SLC25A13: variants seen among roughly 807,000 people sequenced by gnomAD.
SLC25A13 encodes electrogenic aspartate/glutamate antiporter SLC25A13, mitochondrial.
Under a neutral mutation model 85.5 loss-of-function variants are expected in SLC25A13, and 70 were observed. That is an observed-to-expected ratio of 0.82 (90% confidence interval 0.68 to 1.00). The LOEUF is 1.00. Among genes scored for constraint, SLC25A13 ranks in the 50% least tolerant of loss-of-function variants. SLC25A13 has a pLI of 0.00. For missense variants in SLC25A13, 765 were observed against 819.8 expected, an observed-to-expected ratio of 0.93 and a Z score of 0.82; for synonymous variants, 259 against 288.7, an observed-to-expected ratio of 0.90 and a Z score of 1.04.
At chr7:96,244,371 C>T (rs1056437060) in intron 3 of SLC25A13, among the ~76,000 whole-genome samples, 8 of 152,132 alleles carry the variant, frequency 5.3e-5, no homozygotes, top group African/African-American at 1.2e-4. Context: ...AGCACACAAA[C>T]GAAGACTCAC....
In SLC25A13 at chr7:96,283,990, G is replaced by A. The variant is rs114006074; in HGVS notation, c.70-6652C>T. Among the ~76,000 whole-genome samples the A allele has an allele frequency of 9.6e-3, 1,465 of 152,014 alleles. 26 individuals carry two copies. Among genetic ancestry groups the A allele is most frequent in the African/African-American group, 0.034 (1,406 of 41,450 alleles). On this transcript the variant is annotated intron_variant, in intron 2 of 17. Coordinates refer to ENST00000265631, the MANE Select transcript of SLC25A13 (RefSeq NM_014251.3). ...CAAAAGATGTGAGGTAACTTACTGC[G>A]CAAGAAATTACTCAACTGGTTAGAA...
chr7:96,224,636 C>A (rs1796263302), intron 4 of SLC25A13, among the ~76,000 whole-genome samples: 1 of 152,198 alleles, frequency 6.6e-6, no homozygotes, highest in South Asian at 2.1e-4. Context: ...TAGCTGGAAC[C>A]AAGGCAACTT....
intron 3 of SLC25A13, among the ~76,000 whole-genome samples, chr7:96,257,479 T>C (rs1797684077): frequency 6.6e-6 from 1 of 152,228 alleles, no homozygotes; most frequent in African/African-American, 2.4e-5. Context: ...AATGGATAAA[T>C]TCCTGGACAC....
rs751105436 is a variant in SLC25A13, at chr7:96,184,917, C to T, written c.1018+10G>A. On this transcript the variant is annotated intron_variant, in intron 10 of 17. Transcript: ENST00000265631. Reference sequence around the variant, plus strand: ...CAAAAGTGAAAATTTTTCTCTCATCCATGACTAACCTCCAGCAACAGAACC... The same window carrying T: ...CAAAAGTGAAAATTTTTCTCTCATCTATGACTAACCTCCAGCAACAGAACC... The T allele has an allele frequency of 2.5e-6, 4 of 1,611,852 alleles. No individual in the cohort carries two copies. Among genetic ancestry groups the T allele is most frequent in the South Asian group, 1.1e-5 (1 of 91,034 alleles).
At chr7:96,162,799 G>A (rs1017380600) in intron 13 of SLC25A13, among the ~76,000 whole-genome samples, 2 of 152,192 alleles carry the variant, frequency 1.3e-5, no homozygotes, top group Admixed American at 6.5e-5. Context: ...CAAAGGCCAA[G>A]TAGAGAAAAT....
chr7:96,216,771 G>C (rs1220616915), intron 4 of SLC25A13, among the ~76,000 whole-genome samples: 1 of 152,042 alleles, frequency 6.6e-6, no homozygotes, highest in Non-Finnish European at 1.5e-5. Flanking sequence ...AGGAGGGAGA[G>C]GATCAGGAAA....
At chr7:96,221,433 T>C (rs1306859371) in intron 4 of SLC25A13, among the ~76,000 whole-genome samples, 1 of 152,214 alleles carries the variant, frequency 6.6e-6, no homozygotes, top group African/African-American at 2.4e-5. Flanking sequence ...AAATGACACA[T>C]TATTTTTGTG....
chr7:96,192,616 G>C (rs1584435210), intron 6 of SLC25A13, among the ~76,000 whole-genome samples: 1 of 151,862 alleles, frequency 6.6e-6, no homozygotes, highest in East Asian at 1.9e-4. Flanking sequence ...CATACACGGT[G>C]AAAGGGAATC....
intron 1 of SLC25A13, among the ~76,000 whole-genome samples, chr7:96,313,006 G>T (rs1800002231): frequency 6.6e-6 from 1 of 152,214 alleles, no homozygotes; most frequent in South Asian, 2.1e-4. Flanking sequence ...ACTTTATCAG[G>T]AAAGTGAAGC....
intron 3 of SLC25A13, among the ~76,000 whole-genome samples, chr7:96,252,891 T>G (rs1289508024): frequency 6.6e-6 from 1 of 152,006 alleles, no homozygotes; most frequent in African/African-American, 2.4e-5. Context: ...GCTAGGAGTT[T>G]GAGACCAGCC....
chr7:96,286,507 C>A (rs1215681548), intron 2 of SLC25A13, among the ~76,000 whole-genome samples: 1 of 152,106 alleles, frequency 6.6e-6, no homozygotes, highest in Non-Finnish European at 1.5e-5. Context: ...TCTACCTACT[C>A]ATCTTCGAGC....
intron 3 of SLC25A13, among the ~76,000 whole-genome samples, chr7:96,239,065 A>ATATATATATATATATATATG (rs1392985826): frequency 3.0e-4 from 40 of 131,990 alleles, no homozygotes; most frequent in African/African-American, 9.9e-4. Flanking sequence ...ATATATATAT[A>ATATATATATATATATATATG]TATGTATGTA....
chr7:96,149,170 G>C (rs1299511379), intron 13 of SLC25A13, among the ~76,000 whole-genome samples: 3 of 152,190 alleles, frequency 2.0e-5, no homozygotes, highest in Admixed American at 2.0e-4. Context: ...ACCATCTCTA[G>C]AATCTCTGTC....
Position 96,321,951 on chromosome 7 carries a change from C to A in SLC25A13, c.6G>T (p.Ala2=), listed in dbSNP as rs774562949. Residue 2 remains alanine, a synonymous_variant, in exon 1 of 18, where the codon GCG becomes GCT. Transcript: ENST00000265631. The part of the protein sequence containing the change: M[A]AAKVALTKRA... ...TCGGGCCCGCGGTTACCTTGGCGGC[C>A]GCCATGATTCGCCCCGGTTGCGGGC... 9.5e-5 allele frequency: 146 copies of A among 1,540,174 alleles called. No homozygotes were observed. Among genetic ancestry groups the A allele is most frequent in the Non-Finnish European group, 1.2e-4 (141 of 1,145,416 alleles).
chr7:96,168,218 T>C (rs999549361), intron 13 of SLC25A13, among the ~76,000 whole-genome samples: 6 of 149,008 alleles, frequency 4.0e-5, no homozygotes, highest in Non-Finnish European at 8.9e-5. Context: ...GGTTGTCTGC[T>C]ACCTACAGGA....
intron 2 of SLC25A13, among the ~76,000 whole-genome samples, chr7:96,295,650 A>T (rs990905313): frequency 7.9e-5 from 12 of 152,152 alleles, no homozygotes; most frequent in African/African-American, 2.9e-4. Flanking sequence ...GTCCATGTTC[A>T]AAGTCCTTGA....
At chr7:96,187,920 G>A (rs1257119577) in intron 9 of SLC25A13, among the ~76,000 whole-genome samples, 3 of 152,272 alleles carry the variant, frequency 2.0e-5, no homozygotes, top group East Asian at 3.9e-4. Flanking sequence ...ACCTCTAAGC[G>A]GCAGCGAATC....
chr7:96,171,609 T>G, intron 11 of SLC25A13, 85 bp from the exon 12 acceptor site: 1 of 1,163,136 alleles, frequency 8.6e-7, no homozygotes, highest in Non-Finnish European at 1.3e-6. Context: ...GGATTACCAC[T>G]TAAAAACTGC....
chr7:96,294,838 A>C (rs957068240), intron 2 of SLC25A13, among the ~76,000 whole-genome samples: 1 of 152,146 alleles, frequency 6.6e-6, no homozygotes, highest in African/African-American at 2.4e-5. Context: ...CTGATTTTTT[A>C]TGTATAATCT....
Sources: allele counts gnomAD v4.1 joint callset (sites outside exome capture counted in the v4.1 genomes callset), GRCh38; gene constraint gnomAD v4.1.1; transcripts MANE v1.5; gene names NCBI Gene and HGNC (gene_info 2026-07-23, HGNC 2026-07-21).